Variants in HTR1F observed in about 807,000 individuals in gnomAD.
HTR1F encodes the protein 5-hydroxytryptamine (serotonin) receptor 1F, G protein-coupled.
A neutral mutation model predicts 24.0 loss-of-function variants in HTR1F; 17 were observed. The ratio of observed to expected loss-of-function variants is 0.71; its 90% CI spans 0.48 to 1.06. The LOEUF is 1.06. HTR1F is among the 50% of genes least tolerant of loss of function. The pLI is 0.00. For synonymous variants in HTR1F, 186 were observed against 156.8 expected (o/e 1.19, Z -1.39); for missense variants, 391 against 427.8 (o/e 0.91, Z 0.76).
chr3:87,866,209 T>C (rs1356444861), intron 2 of HTR1F, among the ~76,000 whole-genome samples: 2 of 152,182 alleles, frequency 1.3e-5, no homozygotes, highest in African/African-American at 2.4e-5. Flanking sequence ...CCAACTAGAA[T>C]ACTTAAAATA....
chr3:87,874,026 T>C (rs1239811750), intron 2 of HTR1F, among the ~76,000 whole-genome samples: 1 of 152,110 alleles, frequency 6.6e-6, no homozygotes, highest in African/African-American at 2.4e-5. Context: ...ATCATACTCA[T>C]TGATGAAAAC....
At chr3:87,969,830 C>T (rs190402303) in intron 2 of HTR1F, among the ~76,000 whole-genome samples, 132 of 152,266 alleles carry the variant, frequency 8.7e-4, no homozygotes, top group African/African-American at 2.9e-3. Context: ...ATATTTCCCA[C>T]GTGTTGTGGG....
intron 2 of HTR1F, among the ~76,000 whole-genome samples, chr3:87,874,377 C>A (rs1482933937): frequency 6.6e-6 from 1 of 151,980 alleles, no homozygotes; most frequent in Non-Finnish European, 1.5e-5. Flanking sequence ...ATTAAGAAAA[C>A]AGTCCCACTT....
intron 1 of HTR1F, among the ~76,000 whole-genome samples, chr3:87,793,969 C>CA (rs78156685): frequency 0.13 from 12,371 of 93,748 alleles, 1,533 homozygotes; most frequent in African/African-American, 0.32. Context: ...TATGCTATGC[C>CA]AAAAAAAAAA....
At chr3:87,915,060 G>T (rs1703862902) in intron 2 of HTR1F, among the ~76,000 whole-genome samples, 1 of 152,166 alleles carries the variant, frequency 6.6e-6, no homozygotes, top group Non-Finnish European at 1.5e-5. Context: ...CCAGCCCAGA[G>T]GCAGGTAAAT....
chr3:87,880,886 G>T (rs1302233247), intron 2 of HTR1F, among the ~76,000 whole-genome samples: 3 of 152,160 alleles, frequency 2.0e-5, no homozygotes, highest in Non-Finnish European at 4.4e-5. Flanking sequence ...ATCTTAATGA[G>T]CCTGCTCAGG....
chr3:87,965,300 T>C (rs772659174), intron 2 of HTR1F, among the ~76,000 whole-genome samples: 2 of 152,218 alleles, frequency 1.3e-5, no homozygotes, highest in African/African-American at 2.4e-5. Flanking sequence ...GTGACATACA[T>C]TTCTAAGCGA....
intron 1 of HTR1F, among the ~76,000 whole-genome samples, chr3:87,796,130 G>T (rs1703900290): frequency 6.6e-6 from 1 of 152,130 alleles, no homozygotes; most frequent in African/African-American, 2.4e-5. Flanking sequence ...ACTAGTGTTT[G>T]CCAGCCTAGT....
intron 2 of HTR1F, among the ~76,000 whole-genome samples, chr3:87,966,207 C>T (rs1442607672): frequency 6.6e-6 from 1 of 152,176 alleles, no homozygotes; most frequent in East Asian, 1.9e-4. Context: ...CTTTCTCAAG[C>T]CTCTTTTATA....
chr3:87,798,461 A>G (rs1032015001), intron 1 of HTR1F, among the ~76,000 whole-genome samples: 4 of 152,058 alleles, frequency 2.6e-5, no homozygotes, highest in Non-Finnish European at 5.9e-5. Context: ...TGTTATTTAA[A>G]GGTATTAAGA....
intron 2 of HTR1F, among the ~76,000 whole-genome samples, chr3:87,828,316 A>G (rs891863111): frequency 6.6e-6 from 1 of 152,162 alleles, no homozygotes; most frequent in African/African-American, 2.4e-5. Flanking sequence ...GTTAAGCACT[A>G]AAAAAATTAG....
At chr3:87,886,789 C>T (rs1390331959) in intron 2 of HTR1F, among the ~76,000 whole-genome samples, 1 of 152,098 alleles carries the variant, frequency 6.6e-6, no homozygotes, top group Non-Finnish European at 1.5e-5. Context: ...TGAAGGACCT[C>T]TTCAAGGAGA....
At chr3:87,950,686 G>A (rs1165476344) in intron 2 of HTR1F, among the ~76,000 whole-genome samples, 4 of 152,136 alleles carry the variant, frequency 2.6e-5, no homozygotes, top group Non-Finnish European at 4.4e-5. Context: ...TTTGGTATGG[G>A]AAGAGGAAAG....
At chr3:87,923,602 T>C (rs1704058657) in intron 2 of HTR1F, among the ~76,000 whole-genome samples, 1 of 152,012 alleles carries the variant, frequency 6.6e-6, no homozygotes, top group Admixed American at 6.6e-5. Context: ...ATGTTACTGA[T>C]TTTTTCTCAG....
chr3:87,792,959 G>C (rs1407688380), intron 1 of HTR1F, among the ~76,000 whole-genome samples, 117 bp downstream of exon 1: 1 of 152,230 alleles, frequency 6.6e-6, no homozygotes, highest in Admixed American at 6.5e-5. Flanking sequence ...GCTTGCTCTC[G>C]GCGGAAACGC....
intron 2 of HTR1F, among the ~76,000 whole-genome samples, chr3:87,867,726 A>T (rs1705459357): frequency 6.6e-6 from 1 of 152,122 alleles, no homozygotes; most frequent in Non-Finnish European, 1.5e-5. Context: ...TACTTAAATC[A>T]TATTACTAAA....
At chr3:87,950,778 G>A (rs1704816383) in intron 2 of HTR1F, among the ~76,000 whole-genome samples, 1 of 152,134 alleles carries the variant, frequency 6.6e-6, no homozygotes, top group South Asian at 2.1e-4. Context: ...TTCGAAGTCA[G>A]AGTTGTTGTC....
intron 2 of HTR1F, among the ~76,000 whole-genome samples, chr3:87,926,885 A>C (rs1376674656): frequency 2.6e-5 from 4 of 152,208 alleles, no homozygotes; most frequent in Non-Finnish European, 4.4e-5. Flanking sequence ...AAGATTAATC[A>C]GTAACATATT....
chr3:87,883,033 G>C (rs1705844320), intron 2 of HTR1F, among the ~76,000 whole-genome samples: 1 of 152,228 alleles, frequency 6.6e-6, no homozygotes, highest in Middle Eastern at 3.4e-3. Context: ...GCCTAACTGG[G>C]AGACACATCC....
Sources: allele counts gnomAD v4.1 joint callset (sites outside exome capture counted in the v4.1 genomes callset), GRCh38; gene constraint gnomAD v4.1.1; transcripts MANE v1.5; gene names NCBI Gene and HGNC (gene_info 2026-07-23, HGNC 2026-07-21).